DYM: variants seen among roughly 807,000 people sequenced by gnomAD.
DYM encodes dymeclin, also known as dyggve-Melchior-Clausen syndrome protein.
A neutral mutation model predicts 93.1 loss-of-function variants in DYM; 78 were observed. The ratio of observed to expected loss-of-function variants is 0.84; its 90% confidence interval spans 0.70 to 1.01. The LOEUF is 1.01. Among genes scored for constraint, DYM ranks in the 50% least tolerant of loss-of-function variants. The pLI, the probability that DYM is intolerant of heterozygous loss-of-function variation, is 0.00. For missense variants in DYM, 789 were observed against 845.0 expected (o/e 0.93, Z 0.82); for synonymous variants, 321 against 319.7 (o/e 1.00, Z -0.04).
At chr18:49,413,258 T>C (rs1321509443) in intron 2 of DYM, 2 of 152,178 alleles carry the variant, frequency 1.3e-5, no homozygotes, top group African/African-American at 4.8e-5. Context: ...CTACTCACTG[T>C]GTGGCTTTAG....
intron 5 of DYM, chr18:49,368,737 C>T (rs540083306): frequency 1.3e-5 from 2 of 152,282 alleles, no homozygotes; most frequent in Non-Finnish European, 2.9e-5. Context: ...ACAGGACTCA[C>T]CGCCACCGAG....
chr18:49,037,741 A>G lies in DYM; in HGVS notation c.*6314T>C, dbSNP rs1264540713. On this transcript the variant is annotated 3_prime_UTR_variant, in exon 18 of 18. Transcript: ENST00000675505. ...GAAATCTATTTCCAAAAATATGAGG[A>G]TTATAAAATTATCTTTTTGTAAATA... Among the ~76,000 whole-genome samples, 3 of 152,182 alleles carry G rather than the reference A, an allele frequency of 2.0e-5. No homozygotes were observed. The highest frequency in any genetic ancestry group is 7.2e-5 in the African/African-American group (3 of 41,454).
chr18:49,312,534 A>G (rs979908168), intron 8 of DYM, among the ~76,000 whole-genome samples: 3 of 152,066 alleles, frequency 2.0e-5, no homozygotes, highest in African/African-American at 7.2e-5. Flanking sequence ...GAACTTTCCC[A>G]CCTTCAGGTA....
intron 8 of DYM, among the ~76,000 whole-genome samples, chr18:49,299,190 T>C (rs1365538007): frequency 6.6e-6 from 1 of 152,210 alleles, no homozygotes; most frequent in Non-Finnish European, 1.5e-5. Context: ...TTAATAGTTA[T>C]GTATATTAGA....
intron 2 of DYM, among the ~76,000 whole-genome samples, chr18:49,396,917 C>T (rs1227050596): frequency 6.6e-6 from 1 of 152,062 alleles, no homozygotes; most frequent in Non-Finnish European, 1.5e-5. Context: ...CTGGGTAGGA[C>T]AGGCAGGGAG....
chr18:49,433,775 C>G (rs1044326484), intron 1 of DYM, among the ~76,000 whole-genome samples: 4 of 151,988 alleles, frequency 2.6e-5, no homozygotes, highest in African/African-American at 7.3e-5. Flanking sequence ...GGCTAAGGCA[C>G]GAGAATCACC....
intron 5 of DYM, among the ~76,000 whole-genome samples, chr18:49,371,470 AAAT>A (rs919602642): frequency 6.6e-6 from 1 of 151,996 alleles, no homozygotes; most frequent in Non-Finnish European, 1.5e-5. Flanking sequence ...CTCTGTCTCA[AAAT>A]AATAATAATA....
chr18:49,240,111 A>G (rs2093975048), intron 13 of DYM, among the ~76,000 whole-genome samples: 3 of 152,230 alleles, frequency 2.0e-5, no homozygotes, highest in African/African-American at 7.2e-5. Context: ...AATAATACAA[A>G]TATAGTTAAA....
chr18:49,325,121 G>C (rs961329107), intron 8 of DYM, among the ~76,000 whole-genome samples: 1 of 152,136 alleles, frequency 6.6e-6, no homozygotes, highest in Non-Finnish European at 1.5e-5. Flanking sequence ...GAACCCCTAA[G>C]AGGCTCCCAG....
intron 2 of DYM, among the ~76,000 whole-genome samples, chr18:49,411,523 T>C (rs183558715): frequency 6.2e-4 from 95 of 152,294 alleles, no homozygotes; most frequent in Non-Finnish European, 1.2e-3. Flanking sequence ...GGTTTTATTT[T>C]ACTTTTAGGC....
In DYM at chr18:49,041,085, TTC is replaced by T. The variant is rs2070896179; in HGVS notation, c.*2968_*2969del. Reference sequence around the variant, plus strand: ...CTTCAGGGACCTTCTCTTCTTTCCTTTCTCTGTCTTTGTCCTTGAGCTGTGTT... The same window carrying T: ...CTTCAGGGACCTTCTCTTCTTTCCTTTCTGTCTTTGTCCTTGAGCTGTGTT... On this transcript the variant is annotated 3_prime_UTR_variant, in exon 18 of 18. Coordinates refer to ENST00000675505, the MANE Select transcript of DYM (RefSeq NM_001353214.3). 1.3e-5 allele frequency among the ~76,000 whole-genome samples: 2 copies of T among 152,196 alleles called. No individual in the cohort carries two copies. Among genetic ancestry groups the T allele is most frequent in the South Asian group, 4.1e-4 (2 of 4,834 alleles).
chr18:49,045,760 C>T (rs544192573), intron 17 of DYM, among the ~76,000 whole-genome samples: 13 of 151,940 alleles, frequency 8.6e-5, no homozygotes, highest in African/African-American at 2.7e-4. Context: ...TGGAGGGCCC[C>T]GCACAGGAAA....
intron 16 of DYM, among the ~76,000 whole-genome samples, chr18:49,108,389 G>A (rs191721251): frequency 2.8e-4 from 43 of 152,326 alleles, no homozygotes; most frequent in Non-Finnish European, 2.9e-4. Context: ...TTCGGCTCAC[G>A]CGCAGTGCGC....
At chr18:49,325,410 A>G (rs2062812247) in intron 8 of DYM, among the ~76,000 whole-genome samples, 2 of 152,224 alleles carry the variant, frequency 1.3e-5, no homozygotes, top group Admixed American at 1.3e-4. Flanking sequence ...TCTCCACACA[A>G]GAATTAAAAT....
At chr18:49,243,220 A>T (rs1048975155) in intron 13 of DYM, among the ~76,000 whole-genome samples, 1 of 152,160 alleles carries the variant, frequency 6.6e-6, no homozygotes, top group Non-Finnish European at 1.5e-5. Flanking sequence ...AGAGCCTGCT[A>T]GACAATAAGC....
chr18:49,351,531 A>G (rs2147172551), intron 6 of DYM, among the ~76,000 whole-genome samples: 1 of 152,178 alleles, frequency 6.6e-6, no homozygotes, highest in South Asian at 2.1e-4. Flanking sequence ...ACACATCACC[A>G]TATTTCAGAA....
chr18:49,157,074 G>A (rs375111663), intron 15 of DYM, among the ~76,000 whole-genome samples: 4 of 152,122 alleles, frequency 2.6e-5, no homozygotes, highest in African/African-American at 9.6e-5. Flanking sequence ...CCTGACCTTG[G>A]GAATTCCAAG....
At chr18:49,272,383 T>C in intron 10 of DYM, 80 bp from the exon 11 acceptor site, 1 of 999,794 alleles carries the variant, frequency 1.0e-6, no homozygotes, top group Non-Finnish European at 1.5e-6. Flanking sequence ...ACTTTCATTT[T>C]GTGCTCTTTG....
At chr18:49,294,177 A>T (rs1401714556) in intron 8 of DYM, among the ~76,000 whole-genome samples, 4 of 151,888 alleles carry the variant, frequency 2.6e-5, no homozygotes, top group African/African-American at 9.7e-5. Context: ...TGGTCCATGT[A>T]TCTGTTTTGG....
Sources: gnomAD v4.1 joint callset for allele counts (sites outside exome capture counted in the v4.1 genomes callset) on GRCh38, gnomAD v4.1.1 for gene constraint, MANE v1.5 for transcripts, NCBI Gene and HGNC (gene_info 2026-07-23, HGNC 2026-07-21) for gene names.